GALNT13: variants seen among roughly 807,000 people sequenced by gnomAD.
GALNT13 encodes the protein polypeptide N-acetylgalactosaminyltransferase 13, also known as UDP-GalNAc:polypeptide N-acetylgalactosaminyltransferase 13.
In GALNT13, 28 loss-of-function variants were observed where a neutral mutation model predicts 64.2. The observed-to-expected ratio is 0.44, with a 90% confidence interval of 0.32 to 0.60. GALNT13 has a LOEUF of 0.60. Ranked by LOEUF, GALNT13 falls within the 20% of genes least tolerant of loss-of-function variation. The pLI is 0.05. For synonymous variants in GALNT13, 214 were observed against 224.6 expected (o/e 0.95, Z 0.42); for missense variants, 577 against 669.8 (o/e 0.86, Z 1.53).
At chr2:153,786,028 C>T in the GALNT13 span, among the ~76,000 whole-genome samples, 1 of 151,874 alleles carries the variant, frequency 6.6e-6, no homozygotes, top group Non-Finnish European at 1.5e-5. Context: ...CTCCACCTCA[C>T]TGGCTGAACA....
At chr2:154,055,172 G>T (rs1574419889) in intron 3 of GALNT13, among the ~76,000 whole-genome samples, 1 of 152,018 alleles carries the variant, frequency 6.6e-6, no homozygotes, top group East Asian at 1.9e-4. Context: ...TATGTTGCCT[G>T]TGTAGATACA....
At chr2:153,715,403 C>T in the GALNT13 span, among the ~76,000 whole-genome samples, 1 of 152,232 alleles carries the variant, frequency 6.6e-6, no homozygotes, top group Non-Finnish European at 1.5e-5. Flanking sequence ...AGGGTTTCAA[C>T]TGGCTTTGGC....
chr2:154,299,706 G>A (rs1157531668), intron 8 of GALNT13, among the ~76,000 whole-genome samples: 3 of 150,756 alleles, frequency 2.0e-5, no homozygotes, highest in Non-Finnish European at 2.9e-5. Context: ...CTCGTGATCC[G>A]CCCACCTCGG....
At chr2:153,874,916 A>T (rs1276689334) in intron 1 of GALNT13, among the ~76,000 whole-genome samples, 1 of 152,146 alleles carries the variant, frequency 6.6e-6, no homozygotes, top group African/African-American at 2.4e-5. Context: ...GGCATCTCTC[A>T]ATCTCCTTAC....
chr2:154,183,242 T>G (rs1398791528), intron 4 of GALNT13, among the ~76,000 whole-genome samples: 1 of 152,212 alleles, frequency 6.6e-6, no homozygotes, highest in Non-Finnish European at 1.5e-5. Context: ...TCTTCCTAGT[T>G]CAGTCTTTGT....
At chr2:153,268,378 C>T in the GALNT13 span, among the ~76,000 whole-genome samples, 1 of 152,190 alleles carries the variant, frequency 6.6e-6, no homozygotes, top group Non-Finnish European at 1.5e-5. Context: ...TGTCTCACAT[C>T]CAGGCCACAC....
the GALNT13 span, among the ~76,000 whole-genome samples, chr2:153,162,062 G>C: frequency 6.6e-6 from 1 of 152,114 alleles, no homozygotes; most frequent in Non-Finnish European, 1.5e-5. Context: ...CTGGCTGTAG[G>C]CATGAATCTT....
At chr2:153,692,201 G>T in the GALNT13 span, among the ~76,000 whole-genome samples, 55 of 152,220 alleles carry the variant, frequency 3.6e-4, no homozygotes, top group East Asian at 0.01. Flanking sequence ...TGAGGCTAGG[G>T]TTCACCCTTG....
Position 154,438,559 on chromosome 2 carries a change from C to T in GALNT13, c.1396-33C>T, listed in dbSNP as rs978026217. On this transcript the variant is annotated intron_variant, in intron 11 of 12. Coordinates refer to ENST00000392825, the MANE Select transcript of GALNT13 (RefSeq NM_052917.4). ...CTCTATTGTGACATTTTAAAACATA[C>T]ATTTTTTTTATTAGCTGAATTTATA... 8.4e-6 allele frequency: 13 copies of T among 1,540,048 alleles called. No homozygotes were observed. The African/African-American group carries it at 1.2e-4, about 15-fold the overall frequency.
chr2:153,374,853 C>T, the GALNT13 span, among the ~76,000 whole-genome samples: 3 of 152,160 alleles, frequency 2.0e-5, no homozygotes, highest in African/African-American at 7.2e-5. Context: ...TGCTTTTTCC[C>T]TCACCTCTTC....
At chr2:153,720,681 C>T in the GALNT13 span, among the ~76,000 whole-genome samples, 7 of 150,934 alleles carry the variant, frequency 4.6e-5, no homozygotes, top group African/African-American at 1.5e-4. Flanking sequence ...CCTCAGGAGC[C>T]GATGCGATCA....
At chr2:153,927,357 C>G (rs2105349450) in intron 2 of GALNT13, among the ~76,000 whole-genome samples, 1 of 152,038 alleles carries the variant, frequency 6.6e-6, no homozygotes, top group African/African-American at 2.4e-5. Flanking sequence ...GGAAATGTCG[C>G]TTTGTTTACA....
At chr2:153,487,110 G>T in the GALNT13 span, among the ~76,000 whole-genome samples, 1 of 152,180 alleles carries the variant, frequency 6.6e-6, no homozygotes, top group Non-Finnish European at 1.5e-5. Flanking sequence ...CATCCCAGAA[G>T]CAAAGGAGGA....
At chr2:154,157,028 A>C (rs949792005) in intron 4 of GALNT13, among the ~76,000 whole-genome samples, 1 of 152,162 alleles carries the variant, frequency 6.6e-6, no homozygotes, top group African/African-American at 2.4e-5. Context: ...AATGCTGTCC[A>C]TCAGTCATAC....
chr2:154,330,796 G>A (rs569480824), intron 9 of GALNT13, among the ~76,000 whole-genome samples: 126 of 152,188 alleles, frequency 8.3e-4, no homozygotes, highest in South Asian at 2.3e-3. Context: ...AACTGCACCA[G>A]TTCAAATAAC....
At chr2:153,480,860 C>T in the GALNT13 span, among the ~76,000 whole-genome samples, 1 of 152,092 alleles carries the variant, frequency 6.6e-6, no homozygotes. Context: ...GTGACAAAAA[C>T]CAAGAGTTAG....
rs550489250 is a variant in GALNT13 at position 154,220,779 on chromosome 2, C to T, written c.312-21251C>T. On this transcript the variant is annotated intron_variant, in intron 4 of 12. Coordinates refer to ENST00000392825, the MANE Select transcript of GALNT13 (RefSeq NM_052917.4). ...CTTATTAAATCCTAGTTTTTAAAGA[C>T]ATTATGCTAAGAAGGCCCATTGTTT... 2.8e-4 allele frequency among the ~76,000 whole-genome samples: 43 copies of T among 152,068 alleles called. 3 individuals are homozygous for T. Among genetic ancestry groups the T allele is most frequent in the African/African-American group, 7.5e-4 (31 of 41,502 alleles).
At chr2:154,312,300 C>G (rs1177170634) in intron 9 of GALNT13, among the ~76,000 whole-genome samples, 1 of 152,222 alleles carries the variant, frequency 6.6e-6, no homozygotes, top group African/African-American at 2.4e-5. Context: ...CGTTTGGGGT[C>G]CCTGACTTCC....
Position 154,242,129 on chromosome 2 carries a change from T to G in GALNT13, c.411T>G (p.Ser137Arg). Residue 137 changes from serine (S) to arginine (R), a missense_variant, in exon 5 of 13, where the codon AGT becomes AGG. Physicochemically the swap from Ser to Arg is moderately radical, Grantham distance 110. Coordinates refer to ENST00000392825, the MANE Select transcript of GALNT13 (RefSeq NM_052917.4). ...GCACTCTCCTTAGAACTGTTTACAG[T>G]GTGATAAATCGTTCCCCACACTATC... Reference protein sequence around the residue: ...AWSTLLRTVYSVINRSPHYLL... With the variant: ...AWSTLLRTVYRVINRSPHYLL... 6.2e-7 allele frequency: 1 copy of G among 1,613,074 alleles called. No individual in the cohort carries two copies.
Sources: gnomAD v4.1 joint callset for allele counts (sites outside exome capture counted in the v4.1 genomes callset) on GRCh38, gnomAD v4.1.1 for gene constraint, MANE v1.5 for transcripts, NCBI Gene and HGNC (gene_info 2026-07-23, HGNC 2026-07-21) for gene names.